RMDN2: variants seen among roughly 807,000 people sequenced by gnomAD.
RMDN2 encodes the protein regulator of microtubule dynamics protein 2.
In RMDN2, 61 loss-of-function variants were observed where a neutral mutation model predicts 52.8. The ratio of observed to expected loss-of-function variants is 1.16; its 90% CI spans 0.94 to 1.43. RMDN2 has a LOEUF of 1.43. Among genes scored for constraint, RMDN2 ranks in the 40% most tolerant of loss-of-function variants. The probability of loss-of-function intolerance (pLI) is 0.00; values close to 1 mark genes in which losing one functional copy is unlikely to be tolerated. For synonymous variants in RMDN2, 180 were observed against 153.1 expected (o/e 1.18, Z -1.30); for missense variants, 592 against 475.3 (o/e 1.25, Z -2.28).
At chr2:37,962,545 C>G (rs1393978232) in intron 2 of RMDN2, among the ~76,000 whole-genome samples, 1 of 152,288 alleles carries the variant, frequency 6.6e-6, no homozygotes, top group South Asian at 2.1e-4. Flanking sequence ...CCTCCCCCAC[C>G]AAGCTCAAAT....
intron 2 of RMDN2, among the ~76,000 whole-genome samples, chr2:37,962,554 A>G (rs1326724290): frequency 1.3e-5 from 2 of 152,066 alleles, no homozygotes; most frequent in African/African-American, 4.8e-5. Flanking sequence ...CCAAGCTCAA[A>G]TGTCCCAGGT....
chr2:37,952,075 A>T lies in RMDN2; in HGVS notation c.453-21965A>T, dbSNP rs142795524. On this transcript the variant is annotated intron_variant, in intron 2 of 10. Transcript: ENST00000354545. ...CATAAAGCTGGATTTTCTTCATCTT[A>T]TAAAAATTCTGGTTGCTTTATCCCA... The T allele has an allele frequency of 2.4e-5, 39 of 1,613,154 alleles. No individual in the cohort carries two copies. In the African/African-American group the frequency reaches 4.1e-4, roughly 17 times the overall value.
At chr2:38,010,183 G>T (rs1573075697) in intron 10 of RMDN2, among the ~76,000 whole-genome samples, 1 of 152,176 alleles carries the variant, frequency 6.6e-6, no homozygotes, top group Middle Eastern at 3.2e-3. Flanking sequence ...GAGGCAGTCT[G>T]TCCATTCTCA....
chr2:37,945,533 T>C (rs1478031834), intron 2 of RMDN2, among the ~76,000 whole-genome samples: 1 of 152,204 alleles, frequency 6.6e-6, no homozygotes, highest in Admixed American at 6.5e-5. Flanking sequence ...CCAAGAGTAA[T>C]ACTTAGATTT....
chr2:37,993,557 A>G (rs1004066754), intron 7 of RMDN2, among the ~76,000 whole-genome samples: 1 of 152,126 alleles, frequency 6.6e-6, no homozygotes, highest in African/African-American at 2.4e-5. Flanking sequence ...GCCAAAGGCC[A>G]GAAACAAAGC....
intron 10 of RMDN2, among the ~76,000 whole-genome samples, chr2:38,011,502 C>T (rs1677993970): frequency 6.6e-6 from 1 of 152,154 alleles, no homozygotes; most frequent in Non-Finnish European, 1.5e-5. Flanking sequence ...TCCTCTTTTT[C>T]TGTGTTGGAG....
chr2:37,957,767 T>G (rs1386133709), intron 2 of RMDN2, among the ~76,000 whole-genome samples: 1 of 152,244 alleles, frequency 6.6e-6, no homozygotes, highest in Non-Finnish European at 1.5e-5. Context: ...CTAGGGTTTT[T>G]ATGGCTTTAG....
rs17021826 is a variant in RMDN2, at chr2:37,997,379, A to G, written c.946-37A>G. 3,720 of 1,345,426 alleles carry G rather than the reference A, an allele frequency of 2.8e-3. 91 individuals are homozygous for G. The African/African-American group carries it at 0.045, about 16-fold the overall frequency. 83.3% of individuals were successfully genotyped at this position (1,345,426 alleles called of 1,614,324 possible). ...GAGAGATAATCCATTCAAAAGGTGA[A>G]CAACTTTCTAAGAGTGATGTTGTTG... On this transcript the variant is annotated intron_variant, in intron 7 of 10. Transcript: ENST00000354545.
chr2:38,039,866 T>G (rs1290493601), intron 10 of RMDN2, among the ~76,000 whole-genome samples: 1 of 152,150 alleles, frequency 6.6e-6, no homozygotes, highest in African/African-American at 2.4e-5. Flanking sequence ...CCCAGGACAG[T>G]GTCTGACAAA....
intron 2 of RMDN2, among the ~76,000 whole-genome samples, chr2:37,940,602 A>T (rs980764922): frequency 6.6e-6 from 1 of 151,664 alleles, no homozygotes; most frequent in Non-Finnish European, 1.5e-5. Context: ...TTTTTTCTCT[A>T]ATCTTGTCTT....
intron 2 of RMDN2, among the ~76,000 whole-genome samples, chr2:37,957,496 G>T (rs970549699): frequency 7.2e-5 from 11 of 151,930 alleles, no homozygotes; most frequent in African/African-American, 1.5e-4. Context: ...GGGTTGTTTG[G>T]TTTTTTCTTG....
intron 10 of RMDN2, chr2:38,029,513 G>A (rs914089954): frequency 1.3e-5 from 2 of 151,312 alleles, no homozygotes; most frequent in African/African-American, 2.4e-5. Context: ...ATTTACCTTT[G>A]TATCTCCTGC....
intron 10 of RMDN2, among the ~76,000 whole-genome samples, chr2:38,037,171 C>G (rs547857551): frequency 1.2e-4 from 18 of 152,134 alleles, no homozygotes; most frequent in Non-Finnish European, 2.5e-4. Context: ...CTTCAGTTTC[C>G]TCATCTGTAA....
chr2:37,967,360 A>G (rs1296283257), intron 2 of RMDN2, among the ~76,000 whole-genome samples: 1 of 152,208 alleles, frequency 6.6e-6, no homozygotes, highest in Non-Finnish European at 1.5e-5. Context: ...TGGGATGAAG[A>G]TCTTGAAGCA....
rs371732289 is a variant in RMDN2, at chr2:38,007,252, G to A, written c.1179+3036G>A. 9.5e-4 allele frequency among the ~76,000 whole-genome samples: 145 copies of A among 152,152 alleles called. 2 individuals are homozygous for A. The East Asian group carries it at 0.024, about 25-fold the overall frequency. Reference sequence around the variant, plus strand: ...GTTAGGGAGGATTCCCTCTTTTTCTGTTGATTGGAATAGTTTCAGAAGGAA... The same window carrying A: ...GTTAGGGAGGATTCCCTCTTTTTCTATTGATTGGAATAGTTTCAGAAGGAA... On this transcript the variant is annotated intron_variant, in intron 10 of 10. Coordinates refer to ENST00000354545, the MANE Select transcript of RMDN2 (RefSeq NM_001170791.3).
intron 10 of RMDN2, among the ~76,000 whole-genome samples, chr2:38,005,680 T>C (rs1676979695): frequency 6.6e-6 from 1 of 152,248 alleles, no homozygotes; most frequent in Non-Finnish European, 1.5e-5. Context: ...GTAGGTTCTT[T>C]TGCTGTGCAG....
intron 10 of RMDN2, among the ~76,000 whole-genome samples, chr2:38,050,354 A>T (rs760239081): frequency 5.9e-5 from 9 of 151,598 alleles, no homozygotes; most frequent in Non-Finnish European, 8.8e-5. Flanking sequence ...TATTAAAAAA[A>T]AAAATAAAAA....
intron 2 of RMDN2, among the ~76,000 whole-genome samples, chr2:37,933,553 C>T (rs917064900): frequency 1.3e-5 from 2 of 152,374 alleles, no homozygotes; most frequent in Non-Finnish European, 2.9e-5. Flanking sequence ...GCGGATCGCT[C>T]GCGGTTAGGA....
chr2:38,020,249 G>C (rs945868369), downstream of RMDN2, among the ~76,000 whole-genome samples: 1 of 152,202 alleles, frequency 6.6e-6, no homozygotes, highest in African/African-American at 2.4e-5. Flanking sequence ...TGTAGAACCA[G>C]TGGGAGCCCT....
Sources: gnomAD v4.1 joint callset for allele counts (sites outside exome capture counted in the v4.1 genomes callset) on GRCh38, gnomAD v4.1.1 for gene constraint, MANE v1.5 for transcripts, NCBI Gene and HGNC (gene_info 2026-07-23, HGNC 2026-07-21) for gene names.